Variants in TMEM163 observed in about 807,000 individuals in gnomAD.
The protein encoded by TMEM163 is transmembrane protein 163.
In TMEM163, 17 loss-of-function variants were observed where a neutral mutation model predicts 29.3. The observed-to-expected ratio is 0.58, with a 90% CI of 0.40 to 0.87. The LOEUF (loss-of-function observed/expected upper bound fraction) is 0.87, where lower values mean the gene tolerates loss of function less well. TMEM163 is among the 40% of genes least tolerant of loss of function. The pLI is 0.00. For missense variants in TMEM163, 303 were observed against 381.5 expected (o/e 0.79, Z 1.71); for synonymous variants, 157 against 160.6 (o/e 0.98, Z 0.17).
chr2:134,710,379 T>C (rs116329916), intron 2 of TMEM163, among the ~76,000 whole-genome samples: 348 of 152,260 alleles, frequency 2.3e-3, no homozygotes, highest in Middle Eastern at 0.01. Context: ...ACAGCATTTC[T>C]TCAGAAGATA....
rs1239827417 is a variant in TMEM163, at chr2:134,460,748, G to GCCAGCAC, written c.668-2582_668-2576dup. Reference sequence around the variant, plus strand: ...CTCCACCAAGTCACCCGCTCTGCCAGCCAGCACCAAGGCCGGCCCAGCTTG... The same window carrying GCCAGCAC: ...CTCCACCAAGTCACCCGCTCTGCCAGCCAGCACCCAGCACCAAGGCCGGCCCAGCTTG... On this transcript the variant is annotated intron_variant, in intron 6 of 7. Transcript: ENST00000281924. The surrounding 1 kb of genome is among the most constrained non-coding windows in gnomAD (Gnocchi z 4.3). 2.6e-5 allele frequency among the ~76,000 whole-genome samples: 4 copies of GCCAGCAC among 152,188 alleles called. No individual in the cohort carries two copies. Among genetic ancestry groups the GCCAGCAC allele is most frequent in the Non-Finnish European group, 4.4e-5 (3 of 68,038 alleles).
In TMEM163 at chr2:134,455,985, C is replaced by T. The variant is rs569756951; in HGVS notation, c.*731G>A. On this transcript the variant is annotated 3_prime_UTR_variant, in exon 8 of 8. Coordinates refer to ENST00000281924, the MANE Select transcript of TMEM163 (RefSeq NM_030923.5). ...CACAGCATATAGATATATGCATATA[C>T]GGATAGATTATATTTATTTATTACA... 204 of 152,722 alleles carry T rather than the reference C, an allele frequency of 1.3e-3. 1 individual carries two copies. Among genetic ancestry groups the T allele is most frequent in the Non-Finnish European group, 2.5e-3 (172 of 68,094 alleles). The allele number at this position is 152,722 out of a possible 1,614,324, so 9.5% of individuals were successfully genotyped here.
chr2:134,707,824 T>C (rs533842787), intron 2 of TMEM163, among the ~76,000 whole-genome samples: 2 of 149,914 alleles, frequency 1.3e-5, no homozygotes, highest in Non-Finnish European at 3.0e-5. Flanking sequence ...CCAAAGGACA[T>C]GGGCTCCAGT....
At chr2:134,518,771 G>T (rs1480103469) in intron 4 of TMEM163, among the ~76,000 whole-genome samples, 1 of 151,888 alleles carries the variant, frequency 6.6e-6, no homozygotes, top group Non-Finnish European at 1.5e-5. Flanking sequence ...TGTCTAACTC[G>T]CCCCCTACTT....
chr2:134,590,955 G>T lies in TMEM163; in HGVS notation c.323-38864C>A, dbSNP rs759982520. Among the ~76,000 whole-genome samples the T allele has an allele frequency of 7.4e-4, 113 of 152,188 alleles. 3 individuals are homozygous for T. Among genetic ancestry groups the T allele is most frequent in the Admixed American group, 1.3e-3 (20 of 15,282 alleles). On this transcript the variant is annotated intron_variant, in intron 2 of 7. Transcript: ENST00000281924. ...CTGCAAAGATAAGAAAGGCTACACA[G>T]GTGACTTGCCCAGACATGCCTGCAA...
intron 2 of TMEM163, among the ~76,000 whole-genome samples, chr2:134,671,907 C>T (rs1366902454): frequency 6.6e-6 from 1 of 152,200 alleles, no homozygotes; most frequent in Non-Finnish European, 1.5e-5. Context: ...TCTTATAGGG[C>T]TACTGTGAGG....
intron 2 of TMEM163, among the ~76,000 whole-genome samples, chr2:134,690,193 A>C (rs1204308262): frequency 1.3e-5 from 2 of 150,510 alleles, no homozygotes; most frequent in African/African-American, 4.9e-5. Flanking sequence ...GGCCTCCCAA[A>C]GTGCTGGGAT....
At chr2:134,573,608 G>A (rs565762092) in intron 2 of TMEM163, among the ~76,000 whole-genome samples, 2 of 152,184 alleles carry the variant, frequency 1.3e-5, no homozygotes, top group Admixed American at 6.5e-5. Context: ...GCAGATACAG[G>A]CCAATTCACA....
intron 6 of TMEM163, among the ~76,000 whole-genome samples, chr2:134,461,233 G>A (rs911755261): frequency 1.3e-5 from 2 of 152,242 alleles, no homozygotes; most frequent in Non-Finnish European, 2.9e-5. Flanking sequence ...CCTGATTACA[G>A]CTCCACCAGT....
chr2:134,553,776 G>A (rs988476862), intron 2 of TMEM163, among the ~76,000 whole-genome samples: 1 of 152,170 alleles, frequency 6.6e-6, no homozygotes, highest in African/African-American at 2.4e-5. Context: ...GCTTTCATGG[G>A]ACACACAGGT....
chr2:134,651,050 T>C (rs1175896165), intron 2 of TMEM163, among the ~76,000 whole-genome samples: 1 of 92,232 alleles, frequency 1.1e-5, no homozygotes, highest in East Asian at 2.3e-4. Context: ...GTCCTTTGGG[T>C]ATATACCCAG....
intron 2 of TMEM163, among the ~76,000 whole-genome samples, chr2:134,617,935 A>G (rs1451764985): frequency 2.0e-5 from 3 of 151,998 alleles, no homozygotes; most frequent in Admixed American, 1.3e-4. Context: ...ATATAGTAAG[A>G]CCCCATCTCT....
rs139754930 is a variant in TMEM163, at chr2:134,516,678, C to CATATAGTCATATATATGCATATATTCAT, written c.459-13682_459-13681insATGAATATATGCATATATATGACTATAT. Among the ~76,000 whole-genome samples the CATATAGTCATATATATGCATATATTCAT allele has an allele frequency of 4.2e-3, 574 of 137,510 alleles. 10 individuals carry two copies. Among genetic ancestry groups the CATATAGTCATATATATGCATATATTCAT allele is most frequent in the South Asian group, 0.017 (65 of 3,886 alleles). The allele number at this position is 137,510 out of a possible 152,430, so 90.2% of individuals were successfully genotyped here. On this transcript the variant is annotated intron_variant, in intron 4 of 7. Transcript: ENST00000281924. ...ACATATATTCATACATATAGTCATA[C>CATATAGTCATATATATGCATATATTCAT]ATATATGCATATATATGCATATATT...
chr2:134,699,727 G>A (rs922923466), intron 2 of TMEM163, among the ~76,000 whole-genome samples: 9 of 151,964 alleles, frequency 5.9e-5, no homozygotes, highest in Admixed American at 1.3e-4. Flanking sequence ...GTCTACCACT[G>A]TAATTATGAT....
At chr2:134,709,998 C>T (rs1022997566) in intron 2 of TMEM163, among the ~76,000 whole-genome samples, 1 of 152,178 alleles carries the variant, frequency 6.6e-6, no homozygotes, top group African/African-American at 2.4e-5. Flanking sequence ...CCAATCAGAA[C>T]ATTTTTTAAT....
chr2:134,466,615 C>G (rs1574152977), intron 5 of TMEM163: 1 of 186,804 alleles, frequency 5.4e-6, no homozygotes, highest in South Asian at 1.1e-4. Context: ...AATTTTGGAA[C>G]ACGTAAACAC....
chr2:134,702,984 A>T (rs970558083), intron 2 of TMEM163, among the ~76,000 whole-genome samples: 8 of 152,220 alleles, frequency 5.3e-5, no homozygotes, highest in African/African-American at 1.9e-4. Context: ...CAGAACTCTA[A>T]GGGAACATTA....
At chr2:134,604,369 T>A (rs1055461830) in intron 2 of TMEM163, among the ~76,000 whole-genome samples, 5 of 150,966 alleles carry the variant, frequency 3.3e-5, no homozygotes, top group African/African-American at 1.2e-4. Context: ...CAAAGAAACA[T>A]GAACTAGATA....
At chr2:134,604,587 G>A (rs1003000586) in intron 2 of TMEM163, among the ~76,000 whole-genome samples, 3 of 152,074 alleles carry the variant, frequency 2.0e-5, no homozygotes, top group East Asian at 1.9e-4. Context: ...GGACTGGGAT[G>A]GGCAAAACCA....
Sources: gnomAD v4.1 joint callset for allele counts (sites outside exome capture counted in the v4.1 genomes callset) on GRCh38, gnomAD v4.1.1 for gene constraint, Gnocchi (gnomAD v3.1) non-coding constraint, MANE v1.5 for transcripts, NCBI Gene and HGNC (gene_info 2026-07-23, HGNC 2026-07-21) for gene names.